The following SMURF1 variants were observed in gnomAD, a reference collection of about 807,000 sequenced individuals.
SMURF1 encodes the protein E3 ubiquitin-protein ligase SMURF1.
In SMURF1, 44 loss-of-function variants were observed where a neutral mutation model predicts 98.0. The ratio of observed to expected loss-of-function variants is 0.45; its 90% CI spans 0.35 to 0.58. The LOEUF is 0.58. Ranked by LOEUF, SMURF1 falls within the 20% of genes least tolerant of loss-of-function variation. The pLI is 0.00. For missense variants in SMURF1, 687 were observed against 938.4 expected (o/e 0.73, Z 3.50); for synonymous variants, 396 against 374.9 (o/e 1.06, Z -0.65).
chr7:99,052,063 A>G, intron 7 of SMURF1, 142 bp downstream of exon 7: 1 of 1,115,298 alleles, frequency 9.0e-7, no homozygotes, highest in Non-Finnish European at 1.2e-6. Flanking sequence ...TGAGCTAGGG[A>G]GGTCAAGGCT....
At position 99,033,052 on chromosome 7, in the gene SMURF1, G is replaced by A. The variant is rs867948867; in HGVS notation, c.2081C>T (p.Pro694Leu). 6 of 1,596,160 alleles carry A rather than the reference G, an allele frequency of 3.8e-6. No homozygotes were observed. The highest frequency in any genetic ancestry group is 4.3e-6 in the Non-Finnish European group (5 of 1,170,824). ...CGGTGCTTACCAGGTATGGGCCTTC[G>A]GAAGGTTGTCTGTGTTCGCGTCTAT... ...HLIDANTDNLPKAHTCFNRID... is the reference protein window; with the variant it reads ...HLIDANTDNLLKAHTCFNRID... The change falls in exon 17 of 18, where the codon CCG (proline) becomes CTG (leucine). Residue 694 changes from proline to leucine, a missense_variant. Around this residue, in one of 2 missense-constraint regions of SMURF1, gnomAD observed 272 missense variants for 430.0 expected, o/e 0.63. Coordinates refer to ENST00000361368, the MANE Select transcript of SMURF1 (RefSeq NM_181349.3).
chr7:99,114,340 CA>C (rs1797393525), intron 1 of SMURF1, among the ~76,000 whole-genome samples: 2 of 152,052 alleles, frequency 1.3e-5, no homozygotes, highest in African/African-American at 2.4e-5. Context: ...CCCATGCAAA[CA>C]GTAACCAACT....
intron 1 of SMURF1, among the ~76,000 whole-genome samples, chr7:99,103,892 C>G (rs1010972612): frequency 6.9e-6 from 1 of 145,268 alleles, no homozygotes; most frequent in Admixed American, 6.9e-5. Flanking sequence ...CGGGCCACAA[C>G]TTTTTTTTTT....
At chr7:99,110,295 G>C (rs1797289547) in intron 1 of SMURF1, among the ~76,000 whole-genome samples, 1 of 152,142 alleles carries the variant, frequency 6.6e-6, no homozygotes, top group Admixed American at 6.5e-5. Flanking sequence ...ATATATGAAG[G>C]GTTGAACAAA....
intron 1 of SMURF1, among the ~76,000 whole-genome samples, chr7:99,066,442 T>A (rs1260744657): frequency 6.6e-6 from 1 of 152,196 alleles, no homozygotes; most frequent in African/African-American, 2.4e-5. Flanking sequence ...TTTGGTTATA[T>A]CATAAAGTGC....
chr7:99,141,976 G>T (rs1298454863), intron 1 of SMURF1, among the ~76,000 whole-genome samples: 1 of 152,234 alleles, frequency 6.6e-6, no homozygotes. Context: ...AGTTTGGAAA[G>T]TCCCGGAGCA....
rs750847219 is a variant in SMURF1, at chr7:99,033,070, G to C, written c.2063C>G (p.Ala688Gly). The C allele has an allele frequency of 4.4e-6, 7 of 1,592,726 alleles. No individual in the cohort carries two copies. Among genetic ancestry groups the C allele is most frequent in the Non-Finnish European group, 6.0e-6 (7 of 1,168,924 alleles). The change falls in exon 17 of 18, where the codon GCG becomes GGG. Residue 688 changes from alanine (A) to glycine (G), a missense_variant. Around this residue, in one of 2 missense-constraint regions of SMURF1, gnomAD observed 272 missense variants for 430.0 expected, o/e 0.63. Transcript: ENST00000361368. ...GGCCTTCGGAAGGTTGTCTGTGTTC[G>C]CGTCTATCAGGTGGATGGTGAACAG... ...PRLFTIHLIDANTDNLPKAHT... is the reference protein window; with the variant it reads ...PRLFTIHLIDGNTDNLPKAHT...
chr7:99,083,671 C>G (rs957449119), intron 1 of SMURF1, among the ~76,000 whole-genome samples: 29 of 152,164 alleles, frequency 1.9e-4, no homozygotes, highest in African/African-American at 6.8e-4. Context: ...TTATTAAAAT[C>G]CATCTTGATT....
intron 17 of SMURF1, among the ~76,000 whole-genome samples, chr7:99,032,275 C>A (rs905423062): frequency 6.6e-6 from 1 of 152,334 alleles, no homozygotes. Flanking sequence ...TTGTGTGGGA[C>A]GCTGCAAAGT....
intron 6 of SMURF1, among the ~76,000 whole-genome samples, chr7:99,053,655 T>G (rs1450115808): frequency 6.6e-6 from 1 of 152,224 alleles, no homozygotes; most frequent in Admixed American, 6.5e-5. Flanking sequence ...GGATGTTTGT[T>G]GATTATATTC....
At chr7:99,057,601 T>TTTTTG in intron 3 of SMURF1, 50 bp from the exon 4 acceptor site, 2 of 1,445,004 alleles carry the variant, frequency 1.4e-6, no homozygotes, top group South Asian at 1.5e-5. Context: ...GTTTTTTTTG[T>TTTTTG]TTTGTTTTTT....
At chr7:99,035,324 C>T in intron 16 of SMURF1, 191 bp downstream of exon 16, 1 of 729,940 alleles carries the variant, frequency 1.4e-6, no homozygotes, top group Non-Finnish European at 2.2e-6. Flanking sequence ...TCAGCGGGGC[C>T]CCACACCTGC....
intron 1 of SMURF1, among the ~76,000 whole-genome samples, chr7:99,077,028 C>T (rs1044526547): frequency 3.3e-4 from 50 of 151,472 alleles, no homozygotes; most frequent in Non-Finnish European, 1.2e-4. Flanking sequence ...AGAACAGTGA[C>T]GAGGTAAACT....
chr7:99,037,032 A>T, intron 15 of SMURF1, 35 bp downstream of exon 15: 1 of 1,612,456 alleles, frequency 6.2e-7, no homozygotes, highest in Non-Finnish European at 8.5e-7. Flanking sequence ...AGCCACAGGG[A>T]CGCCCTGGGT....
At chr7:99,107,362 G>A (rs1232667483) in intron 1 of SMURF1, among the ~76,000 whole-genome samples, 1 of 152,130 alleles carries the variant, frequency 6.6e-6, no homozygotes, top group Admixed American at 6.5e-5. Context: ...TTGCCTGCCT[G>A]TATCAAAACA....
chr7:99,089,134 G>A (rs921667369), intron 1 of SMURF1, among the ~76,000 whole-genome samples: 1 of 150,426 alleles, frequency 6.6e-6, no homozygotes, highest in African/African-American at 2.4e-5. Context: ...AACCTGGGAG[G>A]CGGAGGTTGC....
At chr7:99,072,643 A>G (rs2150558073) in intron 1 of SMURF1, among the ~76,000 whole-genome samples, 2 of 152,226 alleles carry the variant, frequency 1.3e-5, no homozygotes, top group African/African-American at 4.8e-5. Context: ...TTCTATGTCA[A>G]AAAAAGAAAA....
chr7:99,059,412 T>TAAAAC, intron 3 of SMURF1, among the ~76,000 whole-genome samples: 1 of 26,450 alleles, frequency 3.8e-5, no homozygotes, highest in East Asian at 1.4e-3. Flanking sequence ...AAAAATAAAA[T>TAAAAC]AAAATAAAAT....
intron 1 of SMURF1, among the ~76,000 whole-genome samples, chr7:99,085,368 AAAAG>A (rs1796658008): frequency 2.0e-5 from 3 of 150,034 alleles, no homozygotes; most frequent in African/African-American, 2.4e-5. Flanking sequence ...AAAAAAAAAA[AAAAG>A]AAAAGAAAAG....
Sources: allele counts gnomAD v4.1 joint callset (sites outside exome capture counted in the v4.1 genomes callset), GRCh38; gene constraint gnomAD v4.1.1; regional missense constraint gnomAD v4.1.1; transcripts MANE v1.5; gene names NCBI Gene and HGNC (gene_info 2026-07-23, HGNC 2026-07-21).